The following AJAP1 variants were observed in gnomAD, a reference collection of about 807,000 sequenced individuals.
The protein encoded by AJAP1 is adherens junctions associated protein 1, also known as adherens junction-associated protein 1.
A neutral mutation model predicts 35.0 loss-of-function variants in AJAP1; 5 were observed. That is an observed-to-expected ratio of 0.14 (90% confidence interval 0.07 to 0.30). The LOEUF is 0.30. Ranked by LOEUF, AJAP1 falls within the 10% of genes least tolerant of loss-of-function variation. The pLI is 1.00. For synonymous variants in AJAP1, 284 were observed against 249.3 expected, an observed-to-expected ratio of 1.14 and a Z score of -1.31; for missense variants, 586 against 571.0, an observed-to-expected ratio of 1.03 and a Z score of -0.27.
Position 4,686,801 on chromosome 1 carries a change from C to T in AJAP1, c.30-25099C>T, listed in dbSNP as rs145291486. On this transcript the variant is annotated intron_variant, in intron 1 of 5. Coordinates refer to ENST00000378191, the MANE Select transcript of AJAP1 (RefSeq NM_018836.4). ...TTTGGCTCTGGAGCGAGGTGAGCCC[C>T]CTTCAGCCTGCAAAAGCTGCATGCC... Among the ~76,000 whole-genome samples, 1,232 of 152,330 alleles carry T rather than the reference C, an allele frequency of 8.1e-3. 21 individuals carry two copies. The highest frequency in any genetic ancestry group is 0.028 in the African/African-American group (1,177 of 41,578).
At chr1:4,662,818 C>T (rs966599479) in intron 1 of AJAP1, among the ~76,000 whole-genome samples, 6 of 152,212 alleles carry the variant, frequency 3.9e-5, no homozygotes, top group African/African-American at 7.2e-5. Context: ...CATTCTGCCA[C>T]GGGGATGTGT....
rs117947410 is a variant in AJAP1 at position 4,692,049 on chromosome 1, C to G, written c.30-19851C>G. ...CAGGCCGGGTGTCCCTGAGACTGGCCGAGGCCCTCAGCCCTGTGCTCCTTC... is the reference window on the plus strand; with the variant it reads ...CAGGCCGGGTGTCCCTGAGACTGGCGGAGGCCCTCAGCCCTGTGCTCCTTC... On this transcript the variant is annotated intron_variant, in intron 1 of 5. Transcript: ENST00000378191. The surrounding 1 kb of genome is among the most constrained non-coding windows in gnomAD (Gnocchi z 4.4). Among the ~76,000 whole-genome samples, 85 of 152,270 alleles carry G rather than the reference C, an allele frequency of 5.6e-4. No homozygotes were observed. The highest frequency in any genetic ancestry group is 2.0e-3 in the Admixed American group (30 of 15,306).
In AJAP1 at chr1:4,779,059, G is replaced by A. The variant is rs115692909; in HGVS notation, c.*60-3486G>A. ...AGCTCGATGCAGATGGTCCCATACC[G>A]AAGATGTCACCGAGCAAGTGCTGCA... On this transcript the variant is annotated intron_variant, in intron 5 of 5. Transcript: ENST00000378191. 7.2e-4 allele frequency among the ~76,000 whole-genome samples: 109 copies of A among 152,322 alleles called. 2 individuals carry two copies. The highest frequency in any genetic ancestry group is 2.5e-3 in the African/African-American group (105 of 41,576).
intron 2 of AJAP1, among the ~76,000 whole-genome samples, chr1:4,768,728 G>A (rs1425160613): frequency 6.6e-6 from 1 of 152,214 alleles, no homozygotes; most frequent in Non-Finnish European, 1.5e-5. Context: ...GCTGCCACCT[G>A]CGGGCTTGGC....
rs1469579505 is a variant in AJAP1, at chr1:4,655,737, C to T, written c.29+283C>T. Among the ~76,000 whole-genome samples, 2 of 149,986 alleles carry T rather than the reference C, an allele frequency of 1.3e-5. No individual in the cohort carries two copies. The highest frequency in any genetic ancestry group is 4.2e-4 in the South Asian group (2 of 4,776). The stretch of plus-strand genomic sequence containing the variant: ...AAGTGGGGCCGGCCAGGCGCGCCCG[C>T]AGCTCTAGGAGCCAGCAGCGCAGTG... On this transcript the variant is annotated intron_variant, in intron 1 of 5. Coordinates refer to ENST00000378191, the MANE Select transcript of AJAP1 (RefSeq NM_018836.4). The surrounding 1 kb of genome is among the most constrained non-coding windows in gnomAD (Gnocchi z 6.9).
Position 4,734,968 on chromosome 1 carries a change from C to T in AJAP1, c.829+22269C>T, listed in dbSNP as rs970022925. Among the ~76,000 whole-genome samples the T allele has an allele frequency of 1.3e-5, 2 of 152,200 alleles. No individual in the cohort carries two copies. The highest frequency in any genetic ancestry group is 2.9e-5 in the Non-Finnish European group (2 of 68,042). ...TCCGTCCATCGCCTGCAAGCTGAGC[C>T]GCGTGATGGAGCTCAGCCTGCAGCA... On this transcript the variant is annotated intron_variant, in intron 2 of 5. Transcript: ENST00000378191. The surrounding 1 kb of genome is among the most constrained non-coding windows in gnomAD (Gnocchi z 4.3).
At chr1:4,730,657 G>T (rs1010621330) in intron 2 of AJAP1, among the ~76,000 whole-genome samples, 2 of 152,186 alleles carry the variant, frequency 1.3e-5, no homozygotes, top group African/African-American at 4.8e-5. Context: ...GAAGCCAGAA[G>T]CCTGGGGAAA....
At chr1:4,659,555 G>A (rs1222379696) in intron 1 of AJAP1, among the ~76,000 whole-genome samples, 1 of 152,176 alleles carries the variant, frequency 6.6e-6, no homozygotes, top group Non-Finnish European at 1.5e-5. Flanking sequence ...AGAGAGTCAG[G>A]CTGGAGGGTG....
At chr1:4,735,147 C>T (rs1377538714) in intron 2 of AJAP1, among the ~76,000 whole-genome samples, 1 of 152,202 alleles carries the variant, frequency 6.6e-6, no homozygotes, top group African/African-American at 2.4e-5. Flanking sequence ...AGGAGCACAC[C>T]CTTACAAAAG....
chr1:4,683,586 T>TA (rs564298108), intron 1 of AJAP1, among the ~76,000 whole-genome samples: 306 of 152,326 alleles, frequency 2.0e-3, no homozygotes, highest in Non-Finnish European at 3.8e-3. Flanking sequence ...AGGCAAGGAA[T>TA]TTCTACGGGT....
chr1:4,776,756 AC>A (rs375466261), intron 5 of AJAP1, among the ~76,000 whole-genome samples: 466 of 152,154 alleles, frequency 3.1e-3, no homozygotes, highest in African/African-American at 0.011. Flanking sequence ...CCCCAGGTGG[AC>A]CCCACTTCCC....
In AJAP1 at chr1:4,712,047, G is replaced by A; in HGVS notation, c.177G>A (p.Arg59=). The A allele has an allele frequency of 6.3e-7, 1 of 1,588,110 alleles. No individual in the cohort carries two copies. Residue 59 remains arginine, a synonymous_variant, in exon 2 of 6, where the codon CGG becomes CGA. Coordinates refer to ENST00000378191, the MANE Select transcript of AJAP1 (RefSeq NM_018836.4). ...GGCTCCTGCCGCGGTCGCCGCCCCG[G>A]CCGCCCCGGCTGTGGAGTTTTAGGA... ...EFWLLPRSPP[R]PPRLWSFRSG...
chr1:4,729,144 A>G (rs1402230355), intron 2 of AJAP1, among the ~76,000 whole-genome samples: 1 of 152,186 alleles, frequency 6.6e-6, no homozygotes, highest in East Asian at 1.9e-4. Context: ...AAACTCAGCC[A>G]TCTCAACTTC....
intron 2 of AJAP1, among the ~76,000 whole-genome samples, chr1:4,735,904 A>G (rs1640911313): frequency 6.6e-6 from 1 of 152,184 alleles, no homozygotes; most frequent in Non-Finnish European, 1.5e-5. Context: ...CTCCACGGTG[A>G]TCTTCAGCCT....
At chr1:4,747,172 C>T (rs1641206792) in intron 2 of AJAP1, among the ~76,000 whole-genome samples, 1 of 152,156 alleles carries the variant, frequency 6.6e-6, no homozygotes, top group African/African-American at 2.4e-5. Context: ...AGAGGTCTGT[C>T]CTTGCGGGCA....
At chr1:4,682,065 G>A (rs1371924240) in intron 1 of AJAP1, among the ~76,000 whole-genome samples, 1 of 152,222 alleles carries the variant, frequency 6.6e-6, no homozygotes, top group Non-Finnish European at 1.5e-5. Context: ...GATCACTGTA[G>A]GGAGTCTGAT....
intron 1 of AJAP1, among the ~76,000 whole-genome samples, chr1:4,702,488 C>A (rs1012178539): frequency 6.6e-6 from 1 of 152,222 alleles, no homozygotes; most frequent in Non-Finnish European, 1.5e-5. Flanking sequence ...CACTGCTTTG[C>A]CCAAGGGCTT....
At position 4,657,000 on chromosome 1, in the gene AJAP1, A is replaced by G. The variant is rs1439448649; in HGVS notation, c.29+1546A>G. Among the ~76,000 whole-genome samples the G allele has an allele frequency of 2.0e-5, 3 of 152,228 alleles. No individual in the cohort carries two copies. The highest frequency in any genetic ancestry group is 2.4e-5 in the African/African-American group (1 of 41,528). Reference sequence around the variant, plus strand: ...CAGCAAGACCTTCCAAGGCTTTGTGAATGACCAGACGGGTCCCCACACTGG... The same window carrying G: ...CAGCAAGACCTTCCAAGGCTTTGTGGATGACCAGACGGGTCCCCACACTGG... On this transcript the variant is annotated intron_variant, in intron 1 of 5. Transcript: ENST00000378191. This position sits in a 1 kb window ranked among gnomAD's most constrained non-coding sequence, Gnocchi z 5.7.
In AJAP1 at chr1:4,655,505, T is replaced by A; in HGVS notation, c.29+51T>A. ...GCGTGTGGGCGCGTGGGTGCCAGGC[T>A]GGGCGGAAGCGGCGCTTTCCTCTAT... On this transcript the variant is annotated intron_variant, in intron 1 of 5. Coordinates refer to ENST00000378191, the MANE Select transcript of AJAP1 (RefSeq NM_018836.4). The surrounding 1 kb of genome is among the most constrained non-coding windows in gnomAD (Gnocchi z 6.9). The A allele has an allele frequency of 6.5e-7, 1 of 1,548,074 alleles. No individual in the cohort carries two copies. The highest frequency in any genetic ancestry group is 8.7e-7 in the Non-Finnish European group (1 of 1,144,512).
Sources: gnomAD v4.1 joint callset for allele counts (sites outside exome capture counted in the v4.1 genomes callset) on GRCh38, gnomAD v4.1.1 for gene constraint, Gnocchi (gnomAD v3.1) non-coding constraint, MANE v1.5 for transcripts, NCBI Gene and HGNC (gene_info 2026-07-23, HGNC 2026-07-21) for gene names.